Variants in LONP2 observed in about 807,000 individuals in gnomAD.
The protein encoded by LONP2 is lon protease homolog 2, peroxisomal.
Under a neutral mutation model 85.6 loss-of-function variants are expected in LONP2, and 60 were observed. That is an observed-to-expected ratio of 0.70 (90% CI 0.57 to 0.87). The LOEUF (loss-of-function observed/expected upper bound fraction) is 0.87, where lower values mean the gene tolerates loss of function less well. Ranked by LOEUF, LONP2 falls within the 40% of genes least tolerant of loss-of-function variation. The pLI, the probability that LONP2 is intolerant of heterozygous loss-of-function variation, is 0.00. For missense variants in LONP2, 860 were observed against 1,063.5 expected (o/e 0.81, Z 2.66); for synonymous variants, 395 against 389.7 (o/e 1.01, Z -0.16).
In LONP2 at chr16:48,270,084, A is replaced by G; in HGVS notation, c.1051A>G (p.Lys351Glu). The change falls in exon 7 of 15, where the codon AAA (lysine) becomes GAA (glutamate). Residue 351 changes from lysine to glutamate, a missense_variant. Around this residue, in one of 3 missense-constraint regions of LONP2, gnomAD observed 743 missense variants for 917.3 expected, o/e 0.81. Coordinates refer to ENST00000285737, the MANE Select transcript of LONP2 (RefSeq NM_031490.5). ...CCATTACGCCATGGAAAAATTGAAGAAAAGAGTACTGGAATACTTGGCTGT... is the reference window on the plus strand; with the variant it reads ...CCATTACGCCATGGAAAAATTGAAGGAAAGAGTACTGGAATACTTGGCTGT... ...NDHYAMEKLK[K>E]RVLEYLAVRQ... The G allele has an allele frequency of 6.2e-7, 1 of 1,614,072 alleles. No homozygotes were observed.
chr16:48,253,418 C>T (rs750635775), intron 2 of LONP2, among the ~76,000 whole-genome samples: 9 of 150,418 alleles, frequency 6.0e-5, no homozygotes, highest in Non-Finnish European at 1.3e-4. Context: ...TGCAGTGAGC[C>T]AAGATTGCAT....
chr16:48,292,592 G>A (rs954166984), intron 8 of LONP2, among the ~76,000 whole-genome samples: 13 of 152,160 alleles, frequency 8.5e-5, no homozygotes, highest in African/African-American at 2.9e-4. Flanking sequence ...TGGCCTAAAG[G>A]TTTCCCCTTA....
In LONP2 at chr16:48,287,677, A is replaced by T. The variant is rs370938900; in HGVS notation, c.1384-8338A>T. ...AGCTACTGGGGTTATGAGGCTGTTG[A>T]TTTTGCTACCATGAACTTGAGAGAA... On this transcript the variant is annotated intron_variant, in intron 8 of 14. Transcript: ENST00000285737. Among the ~76,000 whole-genome samples the T allele has an allele frequency of 1.3e-3, 198 of 152,322 alleles. 1 individual carries two copies. Among genetic ancestry groups the T allele is most frequent in the African/African-American group, 4.6e-3 (193 of 41,580 alleles).
Position 48,303,228 on chromosome 16 carries a change from G to C in LONP2, c.1718G>C (p.Arg573Pro). The C allele has an allele frequency of 6.2e-7, 1 of 1,614,118 alleles. No homozygotes were observed. Among genetic ancestry groups the C allele is most frequent in the South Asian group, 1.1e-5 (1 of 91,082 alleles). ...GATAGAAAACTTGGGGCCATTTGCC[G>C]AGCTGTGGCCGTGAAGGTGGCAGAA... is the stretch of plus-strand genomic sequence containing the variant. ...SLDRKLGAIC[R>P]AVAVKVAEGQ... is the part of the protein sequence containing the mutation. Residue 573 changes from arginine (R) to proline (P), a missense_variant, in exon 11 of 15, where the codon CGA (arginine) becomes CCA (proline). Transcript: ENST00000285737.
At chr16:48,266,809 G>A (rs1426772339) in intron 6 of LONP2, among the ~76,000 whole-genome samples, 5 of 151,988 alleles carry the variant, frequency 3.3e-5, no homozygotes, top group Admixed American at 3.3e-4. Context: ...AAATAAAGCT[G>A]TCTGGGCACA....
chr16:48,325,052 G>A (rs1457773338), intron 11 of LONP2, among the ~76,000 whole-genome samples: 1 of 152,152 alleles, frequency 6.6e-6, no homozygotes, highest in Non-Finnish European at 1.5e-5. Flanking sequence ...AATTTCATGG[G>A]AGACAGTTTT....
intron 11 of LONP2, among the ~76,000 whole-genome samples, chr16:48,304,118 C>T (rs977542186): frequency 2.0e-5 from 3 of 152,122 alleles, no homozygotes; most frequent in South Asian, 4.1e-4. Flanking sequence ...TGATGGTGTA[C>T]GTTATGTATG....
chr16:48,279,715 T>C (rs1567320524), intron 8 of LONP2, among the ~76,000 whole-genome samples: 1 of 152,214 alleles, frequency 6.6e-6, no homozygotes, highest in Non-Finnish European at 1.5e-5. Flanking sequence ...CAGTCCTCCT[T>C]ATTTTAGCAC....
downstream of LONP2, chr16:48,362,342 A>G (rs765807881): frequency 8.1e-6 from 13 of 1,614,246 alleles, no homozygotes; most frequent in Non-Finnish European, 1.1e-5. This position sits in a 1 kb window ranked among gnomAD's most constrained non-coding sequence, Gnocchi z 4.2. Flanking sequence ...TGTTGGATGC[A>G]GTTGTGCCAG....
intron 11 of LONP2, among the ~76,000 whole-genome samples, chr16:48,324,719 A>C (rs1452784432): frequency 6.6e-6 from 1 of 152,174 alleles, no homozygotes; most frequent in African/African-American, 2.4e-5. Flanking sequence ...AGGCCCTATG[A>C]CGAATGGTAT....
intron 11 of LONP2, among the ~76,000 whole-genome samples, chr16:48,317,976 A>C (rs983643693): frequency 1.4e-4 from 21 of 152,104 alleles, no homozygotes; most frequent in African/African-American, 5.1e-4. Flanking sequence ...AAATCAACCT[A>C]ATGTAGTGGA....
intron 11 of LONP2, among the ~76,000 whole-genome samples, chr16:48,305,991 A>G (rs1185163445): frequency 2.6e-5 from 4 of 152,228 alleles, no homozygotes; most frequent in Non-Finnish European, 5.9e-5. Flanking sequence ...AAGGGTGGAA[A>G]TCACTTGTGT....
intron 11 of LONP2, among the ~76,000 whole-genome samples, chr16:48,309,757 C>T (rs548669757): frequency 6.6e-6 from 1 of 151,894 alleles, no homozygotes; most frequent in African/African-American, 2.4e-5. Context: ...GTTTTGTGGC[C>T]TGACGTTTGG....
Position 48,244,384 on chromosome 16 carries a change from C to T in LONP2, c.-5C>T, listed in dbSNP as rs751118267. ...TGACAGCCCCCAGTGCGAAAGGCTG[C>T]CAGCATGTCATCAGTGAGCCCCATC... On this transcript the variant is annotated 5_prime_UTR_variant, in exon 1 of 15. Transcript: ENST00000285737. 9 of 1,535,290 alleles carry T rather than the reference C, an allele frequency of 5.9e-6. No homozygotes were observed. The highest frequency in any genetic ancestry group is 2.6e-5 in the East Asian group (1 of 38,274).
At chr16:48,323,713 C>CT (rs1884040726) in intron 11 of LONP2, among the ~76,000 whole-genome samples, 3 of 151,338 alleles carry the variant, frequency 2.0e-5, no homozygotes, top group African/African-American at 7.3e-5. Context: ...TAACTTCCAT[C>CT]TGTATCTCAG....
At chr16:48,295,183 C>A (rs1358536057) in intron 8 of LONP2, among the ~76,000 whole-genome samples, 1 of 152,120 alleles carries the variant, frequency 6.6e-6, no homozygotes, top group Non-Finnish European at 1.5e-5. Context: ...ACCAGCCTGG[C>A]CAACATGGTG....
intron 12 of LONP2, among the ~76,000 whole-genome samples, chr16:48,341,291 C>T (rs1279878808): frequency 6.6e-6 from 1 of 151,952 alleles, no homozygotes; most frequent in East Asian, 1.9e-4. Context: ...CAGAGTGAGA[C>T]TCCATCTCAA....
intron 7 of LONP2, among the ~76,000 whole-genome samples, chr16:48,274,855 A>C (rs1972174043): frequency 6.6e-6 from 1 of 152,210 alleles, no homozygotes; most frequent in Non-Finnish European, 1.5e-5. Flanking sequence ...TGTAACACTT[A>C]AACTCTTTTC....
intron 9 of LONP2, among the ~76,000 whole-genome samples, chr16:48,298,709 ATTC>A (rs1002788336): frequency 2.6e-5 from 4 of 151,362 alleles, no homozygotes; most frequent in African/African-American, 7.3e-5. Flanking sequence ...AGATGCATTT[ATTC>A]TTCTATTTGA....
Sources: gnomAD v4.1 joint callset for allele counts (sites outside exome capture counted in the v4.1 genomes callset) on GRCh38, gnomAD v4.1.1 for gene constraint, gnomAD v4.1.1 regional missense constraint, Gnocchi (gnomAD v3.1) non-coding constraint, MANE v1.5 for transcripts, NCBI Gene and HGNC (gene_info 2026-07-23, HGNC 2026-07-21) for gene names.